Variants in FLACC1 observed in about 807,000 individuals in gnomAD.
The protein encoded by FLACC1 is flagellum-associated coiled-coil domain-containing protein 1.
In FLACC1, 66 loss-of-function variants were observed where a neutral mutation model predicts 62.8. The ratio of observed to expected loss-of-function variants is 1.05; its 90% CI spans 0.86 to 1.29. The LOEUF (loss-of-function observed/expected upper bound fraction) is 1.29. FLACC1 is among the 50% of genes most tolerant of loss of function. The pLI is 0.00. For synonymous variants in FLACC1, 156 were observed against 161.0 expected, an observed-to-expected ratio of 0.97 and a Z score of 0.24; for missense variants, 452 against 489.1, an observed-to-expected ratio of 0.92 and a Z score of 0.71.
At chr2:201,328,113 C>A (rs1044929890) in intron 9 of FLACC1, among the ~76,000 whole-genome samples, 2 of 151,638 alleles carry the variant, frequency 1.3e-5, no homozygotes, top group Non-Finnish European at 1.5e-5. Context: ...CATGAATATG[C>A]AAAGGCATAT....
chr2:201,335,724 T>C (rs1018659064), intron 7 of FLACC1, among the ~76,000 whole-genome samples: 6 of 152,182 alleles, frequency 3.9e-5, no homozygotes, highest in African/African-American at 1.4e-4. Flanking sequence ...TTTTTGGTAT[T>C]TTAATAGGGA....
intron 6 of FLACC1, among the ~76,000 whole-genome samples, chr2:201,343,531 G>A (rs1950852304): frequency 6.6e-6 from 1 of 152,114 alleles, no homozygotes; most frequent in African/African-American, 2.4e-5. Context: ...AGGGTGAGAG[G>A]CTGCCTTCTG....
chr2:201,349,483 C>A, intron 3 of FLACC1, among the ~76,000 whole-genome samples: 1 of 152,166 alleles, frequency 6.6e-6, no homozygotes, highest in African/African-American at 2.4e-5. Flanking sequence ...TGGTCCTCTT[C>A]CCCTTCCTTC....
intron 9 of FLACC1, among the ~76,000 whole-genome samples, chr2:201,310,585 T>C (rs1438017926): frequency 6.6e-6 from 1 of 152,222 alleles, no homozygotes; most frequent in Non-Finnish European, 1.5e-5. Context: ...TAACTTTGTT[T>C]TCCTGGGCCT....
chr2:201,288,934 T>G (rs1227345318), intron 14 of FLACC1, among the ~76,000 whole-genome samples, 153 bp from the exon 15 acceptor site: 1 of 152,198 alleles, frequency 6.6e-6, no homozygotes, highest in Non-Finnish European at 1.5e-5. Flanking sequence ...TAGTGAGGTA[T>G]GGTGTTCAGG....
At chr2:201,324,362 T>C (rs1950464013) in intron 9 of FLACC1, among the ~76,000 whole-genome samples, 1 of 152,076 alleles carries the variant, frequency 6.6e-6, no homozygotes, top group Non-Finnish European at 1.5e-5. Context: ...CATAAAACAA[T>C]TACTACTAGA....
At chr2:201,302,377 C>G (rs916952485) in intron 11 of FLACC1, among the ~76,000 whole-genome samples, 1 of 152,158 alleles carries the variant, frequency 6.6e-6, no homozygotes, top group Non-Finnish European at 1.5e-5. Context: ...ACAAGAAGAG[C>G]TAACTATCCT....
chr2:201,314,316 G>A (rs1950271592), intron 9 of FLACC1, among the ~76,000 whole-genome samples: 1 of 151,894 alleles, frequency 6.6e-6, no homozygotes, highest in Non-Finnish European at 1.5e-5. Flanking sequence ...GAAATGAGGG[G>A]AGAAATCTTC....
At position 201,289,389 on chromosome 2, in the gene FLACC1, T is replaced by C; in HGVS notation, c.1142+68A>G. On this transcript the variant is annotated intron_variant, in intron 14 of 14. Transcript: ENST00000392257. ...GCAGTTGGTCTATCTTCCTAACCCA[T>C]TCCTCACTCAAACTCCTTCCCACTC... 7 of 1,453,576 alleles carry C rather than the reference T, an allele frequency of 4.8e-6. No individual in the cohort carries two copies. The South Asian group carries it at 7.0e-5, about 14-fold the overall frequency. The allele number at this position is 1,453,576 out of a possible 1,614,324, so 90.0% of individuals were successfully genotyped here.
chr2:201,357,973 T>G (rs556294346), upstream of FLACC1, among the ~76,000 whole-genome samples: 43 of 152,362 alleles, frequency 2.8e-4, 1 homozygote, highest in African/African-American at 9.6e-4. Context: ...TTTGCTATTC[T>G]CTTCTATTTC....
At chr2:201,318,805 T>A (rs1354451100) in intron 9 of FLACC1, among the ~76,000 whole-genome samples, 1 of 152,206 alleles carries the variant, frequency 6.6e-6, no homozygotes, top group Non-Finnish European at 1.5e-5. Flanking sequence ...ACAACTTGGA[T>A]GAGATTGGAG....
At chr2:201,294,368 T>C (rs1283122433) in intron 12 of FLACC1, among the ~76,000 whole-genome samples, 2 of 152,180 alleles carry the variant, frequency 1.3e-5, no homozygotes, top group Non-Finnish European at 2.9e-5. Context: ...TGGTTCAACA[T>C]ACGCAAATCA....
At chr2:201,362,675 G>A in the FLACC1 span, among the ~76,000 whole-genome samples, 7 of 152,312 alleles carry the variant, frequency 4.6e-5, no homozygotes, top group Middle Eastern at 6.8e-3. Context: ...TTGGGGAAGC[G>A]GCTTGGAAAC....
intron 7 of FLACC1, among the ~76,000 whole-genome samples, chr2:201,334,590 C>T (rs373092534): frequency 6.6e-6 from 1 of 152,016 alleles, no homozygotes; most frequent in South Asian, 2.1e-4. Context: ...TCAAGACCAG[C>T]CTGAGCAACA....
rs1950830331 is a variant in FLACC1 at position 201,342,490 on chromosome 2, GCAC to G, written c.463-62_463-60del. On this transcript the variant is annotated intron_variant, in intron 6 of 14. Coordinates refer to ENST00000392257, the MANE Select transcript of FLACC1 (RefSeq NM_001127391.3). ...TGAGGACCCTGTCCCATTCTGATCT[GCAC>G]CTTCTGAAAAGCCTTCCAATTTATG... The G allele has an allele frequency of 3.2e-6, 5 of 1,556,290 alleles. No homozygotes were observed. The East Asian group carries it at 1.1e-4, about 35-fold the overall frequency.
At chr2:201,356,107 T>C (rs976340693) in intron 1 of FLACC1, among the ~76,000 whole-genome samples, 13 of 152,116 alleles carry the variant, frequency 8.5e-5, no homozygotes, top group African/African-American at 2.9e-4. Flanking sequence ...AAGGAGGACA[T>C]GCAAGGGGCT....
the FLACC1 span, among the ~76,000 whole-genome samples, chr2:201,363,744 G>A: frequency 6.6e-6 from 1 of 152,172 alleles, no homozygotes; most frequent in Non-Finnish European, 1.5e-5. Context: ...AGATCCTGGT[G>A]CAGTGGGGCT....
intron 11 of FLACC1, among the ~76,000 whole-genome samples, chr2:201,301,279 T>C (rs1011033019): frequency 1.3e-5 from 2 of 152,178 alleles, no homozygotes; most frequent in African/African-American, 4.8e-5. Context: ...AACTATGTGA[T>C]GCACGCACAA....
chr2:201,328,322 T>C (rs1950533149), intron 9 of FLACC1, among the ~76,000 whole-genome samples: 1 of 152,184 alleles, frequency 6.6e-6, no homozygotes. Flanking sequence ...ATAAAACTTT[T>C]TTAAAAACCC....
Sources: gnomAD v4.1 joint callset for allele counts (sites outside exome capture counted in the v4.1 genomes callset) on GRCh38, gnomAD v4.1.1 for gene constraint, MANE v1.5 for transcripts, NCBI Gene and HGNC (gene_info 2026-07-23, HGNC 2026-07-21) for gene names.